Variants in LY9 observed in about 807,000 individuals in gnomAD.
LY9 encodes the protein lymphocyte antigen 9.
A neutral mutation model predicts 64.6 loss-of-function variants in LY9; 59 were observed. The observed-to-expected ratio is 0.91, with a 90% CI of 0.74 to 1.13. The LOEUF is 1.13. Ranked by LOEUF, LY9 falls within the 50% of genes most tolerant of loss-of-function variation. The pLI, the probability that LY9 is intolerant of heterozygous loss-of-function variation, is 0.00. For missense variants in LY9, 789 were observed against 797.2 expected (o/e 0.99, Z 0.12); for synonymous variants, 281 against 308.5 (o/e 0.91, Z 0.93).
Position 160,799,455 on chromosome 1 carries a change from G to T in LY9, c.125-298G>T, listed in dbSNP as rs1456723233. 4 of 308,428 alleles carry T rather than the reference G, an allele frequency of 1.3e-5. No homozygotes were observed. In the East Asian group the frequency reaches 2.5e-4, roughly 19 times the overall value. 19.1% of individuals were successfully genotyped at this position (308,428 alleles called of 1,614,324 possible). On this transcript the variant is annotated intron_variant, in intron 1 of 9. Coordinates refer to ENST00000263285, the MANE Select transcript of LY9 (RefSeq NM_002348.4). ...ATGAGCATTTCAATCTTTTAGATAA[G>T]ATTCACTGAAAAATTCAGAAATGTA...
chr1:160,814,833 C>A, intron 4 of LY9, 72 bp downstream of exon 4: 1 of 1,252,270 alleles, frequency 8.0e-7, no homozygotes, highest in Non-Finnish European at 1.1e-6. Context: ...GCCTTCTCCA[C>A]CTTCCGCTTC....
At chr1:160,800,420 G>A (rs183899387) in intron 2 of LY9, among the ~76,000 whole-genome samples, 221 of 152,032 alleles carry the variant, frequency 1.5e-3, no homozygotes, top group Non-Finnish European at 2.9e-3. Context: ...AAAATTTTTA[G>A]TACCAACATA....
chr1:160,823,872 C>T (rs1019998579), intron 8 of LY9, 76 bp downstream of exon 8: 37 of 1,222,126 alleles, frequency 3.0e-5, no homozygotes, highest in Non-Finnish European at 4.2e-5. Context: ...TGACTAGTTC[C>T]TCCAAACTGG....
Position 160,823,781 on chromosome 1 carries a change from A to G in LY9, c.1815A>G (p.Gln605=). 1 of 1,611,606 alleles carries G rather than the reference A, an allele frequency of 6.2e-7. No individual in the cohort carries two copies. Among genetic ancestry groups the G allele is most frequent in the Non-Finnish European group, 8.5e-7 (1 of 1,177,842 alleles). The change falls in exon 8 of 10, where the codon CAA becomes CAG. Residue 605 remains glutamine, a synonymous_variant. Transcript: ENST00000263285. The stretch of plus-strand genomic sequence containing the variant: ...TTGGAGAGAACACCATGTATGCACA[A>G]GTGTTCAACTTACAGGTGAGCCCTT... ...SVVGENTMYA[Q]VFNLQGKTPV...
At chr1:160,807,732 ACTTG>A (rs1211682913) in intron 2 of LY9, among the ~76,000 whole-genome samples, 2 of 152,160 alleles carry the variant, frequency 1.3e-5, no homozygotes, top group Non-Finnish European at 2.9e-5. Context: ...CACAGGTGGC[ACTTG>A]CAGGTAGGTG....
chr1:160,827,289 C>T (rs1239188485), intron 9 of LY9, among the ~76,000 whole-genome samples: 2 of 152,194 alleles, frequency 1.3e-5, no homozygotes, highest in African/African-American at 4.8e-5. Context: ...TCTTTAGAGC[C>T]TTCCCTGAAC....
rs537540 is a variant in LY9, at chr1:160,819,406, A to T, written c.1498+32A>T. ...TCACCCATGACACAGGCTATGGGGT[A>T]TCTGGTCCAAATGGAAGTTCTAAAG... is the stretch of plus-strand genomic sequence containing the variant. On this transcript the variant is annotated intron_variant, in intron 7 of 9. Transcript: ENST00000263285. 2.5e-6 allele frequency: 4 copies of T among 1,585,574 alleles called. No individual in the cohort carries two copies. In the Admixed American group the frequency reaches 6.7e-5, roughly 26 times the overall value.
intron 2 of LY9, among the ~76,000 whole-genome samples, chr1:160,806,631 T>G (rs1034873885): frequency 1.3e-5 from 2 of 152,236 alleles, no homozygotes; most frequent in African/African-American, 4.8e-5. Flanking sequence ...TATAGGTGGC[T>G]AGATGTTTTT....
chr1:160,798,386 A>G (rs79514789), intron 1 of LY9, among the ~76,000 whole-genome samples: 2,966 of 152,294 alleles, frequency 0.019, 103 homozygotes, highest in African/African-American at 0.068. Flanking sequence ...TCAGCTCCTC[A>G]TCTGTAAAAA....
chr1:160,805,005 G>A (rs1666841012), intron 2 of LY9, among the ~76,000 whole-genome samples: 1 of 151,870 alleles, frequency 6.6e-6, no homozygotes. Flanking sequence ...TTCTTAATTA[G>A]CCTAGCTAGC....
rs1441672108 is a variant in LY9 at position 160,814,603 on chromosome 1, C to T, written c.914C>T (p.Ser305Phe). 5.0e-6 allele frequency: 8 copies of T among 1,614,160 alleles called. No homozygotes were observed. The highest frequency in any genetic ancestry group is 1.6e-4 in the Middle Eastern group (1 of 6,062). The change falls in exon 4 of 10, where the codon TCC (serine) becomes TTC (phenylalanine). Residue 305 changes from serine (S) to phenylalanine (F), a missense_variant. Physicochemically the swap from Ser to Phe is radical, Grantham distance 155 (BLOSUM62 -2). Transcript: ENST00000263285. Reference protein sequence around the residue: ...EAATADPLIKSRDPYKNRVWV... With the variant: ...EAATADPLIKFRDPYKNRVWV... Reference sequence around the variant, plus strand: ...GCAACGGCAGATCCACTCATTAAATCCAGGGATCCTTACAAGAACAGGGTG... The same window carrying T: ...GCAACGGCAGATCCACTCATTAAATTCAGGGATCCTTACAAGAACAGGGTG...
Position 160,815,004 on chromosome 1 carries a change from C to A in LY9, c.1072+243C>A. ...GGCTGCCAGTTAGGCCTCCACCACC[C>A]AACTTTAGGTGCTTGCCCCGGTCCT... On this transcript the variant is annotated intron_variant, in intron 4 of 9. Transcript: ENST00000263285. The A allele has an allele frequency of 9.2e-6, 5 of 546,240 alleles. No individual in the cohort carries two copies. In the South Asian group the frequency reaches 1.1e-4, roughly 12 times the overall value. 33.8% of individuals were successfully genotyped at this position (546,240 alleles called of 1,614,324 possible).
At chr1:160,816,889 G>A in intron 5 of LY9, 26 bp downstream of exon 5, 1 of 1,613,050 alleles carries the variant, frequency 6.2e-7, no homozygotes, top group African/African-American at 1.3e-5. Context: ...TATTTACTCA[G>A]GTCACAGGAC....
Position 160,814,444 on chromosome 1 carries a change from C to T in LY9, c.755C>T (p.Thr252Ile), listed in dbSNP as rs1229155729. The T allele has an allele frequency of 3.7e-6, 6 of 1,612,322 alleles. No individual in the cohort carries two copies. In the African/African-American group the frequency reaches 6.7e-5, roughly 18 times the overall value. The change falls in exon 4 of 10, where the codon ACA becomes ATA. Residue 252 changes from threonine to isoleucine, a missense_variant. By Grantham distance (89) the Thr-to-Ile change is moderately conservative. Transcript: ENST00000263285. Reference sequence around the variant, plus strand: ...GATCCAGGAGCCTCCAGAGGAGGAACAACGGGGGAGACTGTGGTAGGGGTC... The same window carrying T: ...GATCCAGGAGCCTCCAGAGGAGGAATAACGGGGGAGACTGTGGTAGGGGTC... ...CTDPGASRGG[T>I]TGETVVGVLG...
chr1:160,815,264 C>G (rs923019101), intron 4 of LY9: 2 of 154,452 alleles, frequency 1.3e-5, no homozygotes, highest in Non-Finnish European at 2.9e-5. Context: ...CGCTCGAACC[C>G]CAAGGGGCGG....
At chr1:160,815,444 T>A (rs1342309210) in intron 4 of LY9, 1 of 152,308 alleles carries the variant, frequency 6.6e-6, no homozygotes, top group Non-Finnish European at 1.5e-5. Flanking sequence ...TGGAGTACAG[T>A]GGCACGATCT....
Position 160,800,068 on chromosome 1 carries a change from C to G in LY9, c.440C>G (p.Thr147Ser), listed in dbSNP as rs768912852. 1 of 1,612,270 alleles carries G rather than the reference C, an allele frequency of 6.2e-7. No homozygotes were observed. The highest frequency in any genetic ancestry group is 1.3e-5 in the African/African-American group (1 of 74,824). Residue 147 changes from threonine (T) to serine (S), a missense_variant, in exon 2 of 10, where the codon ACC becomes AGC. Thr to Ser is a moderately conservative substitution (Grantham distance 58, BLOSUM62 1). Coordinates refer to ENST00000263285, the MANE Select transcript of LY9 (RefSeq NM_002348.4). ...GAAGTCACCACTGAGGAGGAATTCA[C>G]CCTGTTCGTCTATGGTGAGTTCCAG... ...NFEVTTEEEFTLFVYEQLQEP... is the reference protein window; with the variant it reads ...NFEVTTEEEFSLFVYEQLQEP...
At chr1:160,802,183 G>A in intron 2 of LY9, 1 of 1,234,702 alleles carries the variant, frequency 8.1e-7, no homozygotes, top group Non-Finnish European at 1.0e-6. Flanking sequence ...TTGTGTGCCA[G>A]TGGGGTTTGT....
chr1:160,796,182 A>G lies in LY9; in HGVS notation c.-6A>G, dbSNP rs776175030. 1.2e-6 allele frequency: 2 copies of G among 1,613,418 alleles called. No individual in the cohort carries two copies. The highest frequency in any genetic ancestry group is 1.7e-6 in the Non-Finnish European group (2 of 1,179,774). ...CCTTCAGTCTCAGTTCTGAAAATAG[A>G]TCATCATGGTGGCACCAAAGAGTCA... On this transcript the variant is annotated 5_prime_UTR_variant, in exon 1 of 10. Transcript: ENST00000263285.
Sources: allele counts gnomAD v4.1 joint callset (sites outside exome capture counted in the v4.1 genomes callset), GRCh38; gene constraint gnomAD v4.1.1; transcripts MANE v1.5; gene names NCBI Gene and HGNC (gene_info 2026-07-23, HGNC 2026-07-21).